PTPRT: variants seen among roughly 807,000 people sequenced by gnomAD.
The protein encoded by PTPRT is protein tyrosine phosphatase receptor type T, also known as receptor-type tyrosine-protein phosphatase T.
In PTPRT, 56 loss-of-function variants were observed where a neutral mutation model predicts 176.8. The observed-to-expected ratio is 0.32, with a 90% CI of 0.26 to 0.40. The LOEUF (loss-of-function observed/expected upper bound fraction) is 0.40. Among genes scored for constraint, PTPRT ranks in the 10% least tolerant of loss-of-function variants. The pLI, the probability that PTPRT is intolerant of heterozygous loss-of-function variation, is 1.00. For synonymous variants in PTPRT, 783 were observed against 739.0 expected (o/e 1.06, Z -0.96); for missense variants, 1,540 against 1,908.2 (o/e 0.81, Z 3.60).
At chr20:42,782,700 C>T (rs6030468) in intron 3 of PTPRT, among the ~76,000 whole-genome samples, 97,446 of 152,000 alleles carry the variant, frequency 0.64, 32,624 homozygotes, top group Non-Finnish European at 0.73. Flanking sequence ...AATGACTGCA[C>T]AACATTAAAA....
At chr20:42,771,621 G>A in intron 4 of PTPRT, 71 bp from the exon 5 acceptor site, 9 of 1,307,248 alleles carry the variant, frequency 6.9e-6, no homozygotes, top group Non-Finnish European at 1.0e-5. Flanking sequence ...TTGGTGGATG[G>A]CAGCTCAGGA....
At chr20:42,091,911 T>C (rs577754466) in intron 27 of PTPRT, among the ~76,000 whole-genome samples, 1 of 152,280 alleles carries the variant, frequency 6.6e-6, no homozygotes, top group African/African-American at 2.4e-5. Context: ...AACTTACTCT[T>C]AAAACAGCTG....
chr20:42,111,127 C>T (rs1367937848), intron 22 of PTPRT, among the ~76,000 whole-genome samples: 3 of 152,146 alleles, frequency 2.0e-5, no homozygotes, highest in Non-Finnish European at 4.4e-5. Context: ...CTTTCACACC[C>T]CTCCACCCCT....
intron 7 of PTPRT, among the ~76,000 whole-genome samples, chr20:42,571,288 A>G (rs558448148): frequency 8.5e-5 from 13 of 152,330 alleles, no homozygotes; most frequent in Middle Eastern, 3.4e-3. Flanking sequence ...ATTTTTCTAA[A>G]TAGGAAAGAA....
intron 7 of PTPRT, among the ~76,000 whole-genome samples, chr20:42,512,879 G>C (rs983428645): frequency 6.6e-6 from 1 of 151,978 alleles, no homozygotes; most frequent in African/African-American, 2.4e-5. Flanking sequence ...TGTTTTTTGA[G>C]ACAGAGTTTC....
chr20:42,628,875 G>A (rs1358934684), intron 7 of PTPRT, among the ~76,000 whole-genome samples: 1 of 152,180 alleles, frequency 6.6e-6, no homozygotes, highest in Admixed American at 6.5e-5. Flanking sequence ...GTCCACAAAT[G>A]CTAACATATT....
chr20:43,134,082 A>G (rs1026109017), intron 1 of PTPRT, among the ~76,000 whole-genome samples: 1 of 152,226 alleles, frequency 6.6e-6, no homozygotes, highest in African/African-American at 2.4e-5. Context: ...ACAGAGGGAC[A>G]TGATAAACAC....
At chr20:42,667,338 A>G (rs532369672) in intron 7 of PTPRT, among the ~76,000 whole-genome samples, 2 of 152,310 alleles carry the variant, frequency 1.3e-5, no homozygotes, top group South Asian at 2.1e-4. Flanking sequence ...CTCCCTCACA[A>G]GCTTGCTGCA....
chr20:42,858,491 G>A (rs537813079), intron 2 of PTPRT, among the ~76,000 whole-genome samples: 5 of 152,280 alleles, frequency 3.3e-5, no homozygotes, highest in East Asian at 3.9e-4. Context: ...GGTATTAAGC[G>A]ATGAGGACTT....
chr20:42,653,647 T>C (rs2075071865), intron 7 of PTPRT, among the ~76,000 whole-genome samples: 1 of 152,158 alleles, frequency 6.6e-6, no homozygotes, highest in South Asian at 2.1e-4. Flanking sequence ...CCTTTGAGAG[T>C]AACTGGAATA....
intron 9 of PTPRT, among the ~76,000 whole-genome samples, chr20:42,443,030 T>A (rs1005834523): frequency 1.3e-5 from 2 of 152,192 alleles, no homozygotes; most frequent in Non-Finnish European, 2.9e-5. Flanking sequence ...AAAAGCAGGG[T>A]TCTGGAAGAG....
At chr20:43,011,441 GTA>G (rs1985117564) in intron 1 of PTPRT, among the ~76,000 whole-genome samples, 1 of 152,180 alleles carries the variant, frequency 6.6e-6, no homozygotes, top group African/African-American at 2.4e-5. Context: ...CTGGCCAGAA[GTA>G]AGACCCACCA....
At chr20:42,546,338 C>T (rs564319343) in intron 7 of PTPRT, among the ~76,000 whole-genome samples, 1 of 152,176 alleles carries the variant, frequency 6.6e-6, no homozygotes, top group South Asian at 2.1e-4. Flanking sequence ...TTGGCGTATG[C>T]ATTATTTGAA....
intron 1 of PTPRT, among the ~76,000 whole-genome samples, chr20:42,991,724 T>C (rs1368929824): frequency 2.0e-5 from 3 of 152,236 alleles, no homozygotes; most frequent in Non-Finnish European, 4.4e-5. Context: ...TTTTATGTTA[T>C]GTCTATTTTA....
chr20:42,205,121 A>C (rs2055423528), intron 15 of PTPRT, among the ~76,000 whole-genome samples: 1 of 151,526 alleles, frequency 6.6e-6, no homozygotes, highest in Non-Finnish European at 1.5e-5. Flanking sequence ...CTAATGTTAA[A>C]TGACGAGTTA....
Position 42,655,558 on chromosome 20 carries a change from G to A in PTPRT, c.1153+22308C>T, listed in dbSNP as rs75570611. Among the ~76,000 whole-genome samples, 44 of 152,284 alleles carry A rather than the reference G, an allele frequency of 2.9e-4. No individual in the cohort carries two copies. In the East Asian group the frequency reaches 8.1e-3, roughly 28 times the overall value. On this transcript the variant is annotated intron_variant, in intron 7 of 30. Transcript: ENST00000373187. ...TGGTTATGGGTGTAAAATAAAACAT[G>A]AGACTTCAATGAATAGTGGCAGCAA...
chr20:42,183,100 T>C (rs1990592779), intron 16 of PTPRT, among the ~76,000 whole-genome samples: 4 of 152,170 alleles, frequency 2.6e-5, no homozygotes, highest in Admixed American at 2.0e-4. Flanking sequence ...ACCGACTCAA[T>C]CCTTCCTTTC....
At chr20:42,779,510 C>A (rs1422784777) in intron 4 of PTPRT, among the ~76,000 whole-genome samples, 3 of 152,194 alleles carry the variant, frequency 2.0e-5, no homozygotes, top group Admixed American at 1.3e-4. Flanking sequence ...TTCAGTCCCC[C>A]CAACCAAATG....
intron 7 of PTPRT, among the ~76,000 whole-genome samples, chr20:42,617,586 G>A (rs1171998323): frequency 7.3e-6 from 1 of 137,214 alleles, no homozygotes; most frequent in Admixed American, 6.9e-5. Flanking sequence ...TTTTTGGTTG[G>A]TAAACTATTG....
Sources: allele counts gnomAD v4.1 joint callset (sites outside exome capture counted in the v4.1 genomes callset), GRCh38; gene constraint gnomAD v4.1.1; transcripts MANE v1.5; gene names NCBI Gene and HGNC (gene_info 2026-07-23, HGNC 2026-07-21).